Variants in VAMP7 observed in about 807,000 individuals in gnomAD.
VAMP7 encodes vesicle associated membrane protein 7.
Under a neutral mutation model 29.6 loss-of-function variants are expected in VAMP7, and 14 were observed. The observed-to-expected ratio is 0.47, with a 90% CI of 0.31 to 0.74. VAMP7 has a LOEUF of 0.74. Ranked by LOEUF, VAMP7 falls within the 30% of genes least tolerant of loss-of-function variation. The pLI, the probability that VAMP7 is intolerant of heterozygous loss-of-function variation, is 0.05. For synonymous variants in VAMP7, 95 were observed against 88.1 expected (o/e 1.08, Z -0.44); for missense variants, 223 against 262.4 (o/e 0.85, Z 1.04).
At chrX:155,884,346 C>A (rs1007982314) in intron 1 of VAMP7, among the ~76,000 whole-genome samples, 2 of 151,952 alleles carry the variant, frequency 1.3e-5, no homozygotes, top group Admixed American at 1.3e-4. Flanking sequence ...AGGCTGGTCT[C>A]GAACTCCTGA....
chrX:155,896,573 A>T (rs1374922248), intron 3 of VAMP7, among the ~76,000 whole-genome samples: 8 of 152,138 alleles, frequency 5.3e-5, no homozygotes, highest in Non-Finnish European at 8.8e-5. Context: ...CTTCCCAGAC[A>T]GGTTGCCATT....
Position 155,918,073 on chromosome X carries a change from C to T in VAMP7, c.434-1740C>T, listed in dbSNP as rs531227018. 8.5e-5 allele frequency among the ~76,000 whole-genome samples: 13 copies of T among 152,180 alleles called. No homozygotes were observed. In the East Asian group the frequency reaches 1.2e-3, roughly 14 times the overall value. ...TTGCGGAGCTGCGGTGGGCTCTCCC[C>T]GGTTCAAACTTCCTGGCCACTCTGT... On this transcript the variant is annotated intron_variant, in intron 5 of 7. Coordinates refer to ENST00000286448, the MANE Select transcript of VAMP7 (RefSeq NM_005638.6).
chrX:155,886,408 A>G (rs539288755), intron 1 of VAMP7, among the ~76,000 whole-genome samples: 101 of 152,276 alleles, frequency 6.6e-4, no homozygotes, highest in Middle Eastern at 3.4e-3. Flanking sequence ...GTTGCTATGT[A>G]CCCACTGTTT....
chrX:155,893,570 A>T (rs2065950322), intron 2 of VAMP7, among the ~76,000 whole-genome samples: 1 of 152,162 alleles, frequency 6.6e-6, no homozygotes, highest in Admixed American at 6.5e-5. Flanking sequence ...AGTTCTGGAG[A>T]CTGCGTGAGG....
intron 1 of VAMP7, among the ~76,000 whole-genome samples, chrX:155,885,934 TA>T (rs2065860000): frequency 6.6e-6 from 1 of 152,186 alleles, no homozygotes; most frequent in Non-Finnish European, 1.5e-5. Flanking sequence ...TTTGGTACTT[TA>T]TTACTGCAGC....
intron 6 of VAMP7, among the ~76,000 whole-genome samples, chrX:155,936,797 G>A (rs933520878): frequency 6.6e-6 from 1 of 152,170 alleles, no homozygotes; most frequent in African/African-American, 2.4e-5. Context: ...GCTGTAGACT[G>A]GAGCTGTTCC....
chrX:155,908,243 C>T (rs1300166796), intron 5 of VAMP7, among the ~76,000 whole-genome samples: 18 of 152,182 alleles, frequency 1.2e-4, no homozygotes, highest in Admixed American at 6.5e-4. Context: ...GCCGAGATCG[C>T]GCCACTGCAC....
At chrX:155,936,884 A>G (rs774546709) in intron 6 of VAMP7, among the ~76,000 whole-genome samples, 2 of 152,338 alleles carry the variant, frequency 1.3e-5, no homozygotes, top group African/African-American at 4.8e-5. Context: ...AAAGAGTACA[A>G]TAGTTAGGAA....
chrX:155,916,183 C>CT (rs983903049), intron 5 of VAMP7, among the ~76,000 whole-genome samples: 6 of 151,948 alleles, frequency 3.9e-5, no homozygotes, highest in Middle Eastern at 3.4e-3. Context: ...GCAGCCACTG[C>CT]TTTTTTTTGC....
Position 155,941,947 on chromosome X carries a change from A to C in VAMP7, c.659A>C (p.Lys220Thr), listed in dbSNP as rs1235381216. The C allele has an allele frequency of 6.2e-7, 1 of 1,613,848 alleles. No individual in the cohort carries two copies. Among genetic ancestry groups the C allele is most frequent in the East Asian group, 2.2e-5 (1 of 44,872 alleles). The change falls in exon 8 of 8, where the codon AAA becomes ACA. Residue 220 changes from lysine to threonine, a missense_variant. Transcript: ENST00000286448. ...GGFTWPSCVK[K>T] Reference sequence around the variant, plus strand: ...TTTACATGGCCAAGCTGTGTGAAGAAATAGGAAAGAAGAAGTTACCATTAA... The same window carrying C: ...TTTACATGGCCAAGCTGTGTGAAGACATAGGAAAGAAGAAGTTACCATTAA...
At position 155,943,672 on chromosome X, in the gene VAMP7, G is replaced by A. The variant is rs896293496; in HGVS notation, c.*1721G>A. On this transcript the variant is annotated 3_prime_UTR_variant, in exon 8 of 8. Transcript: ENST00000286448. ...GGGATCAATTACCTAACTGTTCCTT[G>A]GTCTATTTATGTATAAGAATGCTTT... The A allele has an allele frequency of 1.3e-5, 2 of 151,898 alleles. No homozygotes were observed. The highest frequency in any genetic ancestry group is 4.8e-5 in the African/African-American group (2 of 41,346). The allele number at this position is 151,898 out of a possible 1,614,324, so 9.4% of individuals were successfully genotyped here. A position where few individuals can be genotyped will look rare whatever the true frequency, so the allele number is the denominator to read the frequency against.
chrX:155,936,801 C>T lies in VAMP7; in HGVS notation c.502-2900C>T, dbSNP rs773510793. Among the ~76,000 whole-genome samples, 3 of 152,254 alleles carry T rather than the reference C, an allele frequency of 2.0e-5. No individual in the cohort carries two copies. The South Asian group carries it at 6.2e-4, about 32-fold the overall frequency. ...TCACGCTGGGGGCTGTAGACTGGAG[C>T]TGTTCCTATTTGGCCATCTTGGAAC... On this transcript the variant is annotated intron_variant, in intron 6 of 7. Transcript: ENST00000286448.
intron 6 of VAMP7, 133 bp from the exon 7 acceptor site, chrX:155,939,568 G>A: frequency 1.4e-6 from 1 of 725,982 alleles, no homozygotes; most frequent in Non-Finnish European, 2.5e-6. Flanking sequence ...AGTATGAATG[G>A]CCAGTCTCTA....
intron 6 of VAMP7, among the ~76,000 whole-genome samples, chrX:155,932,237 C>A (rs2066570420): frequency 6.6e-6 from 1 of 152,104 alleles, no homozygotes; most frequent in Non-Finnish European, 1.5e-5. Context: ...TTTTCCAATT[C>A]AGTGAAGAAA....
rs147669006 is a variant in VAMP7 at position 155,931,183 on chromosome X, G to A, written c.502-8518G>A. ...CCACGATAAACATACGTGTGCATGT[G>A]TCTTGATAGCAGCATGATTTATAAT... On this transcript the variant is annotated intron_variant, in intron 6 of 7. Transcript: ENST00000286448. 3.7e-3 allele frequency among the ~76,000 whole-genome samples: 568 copies of A among 152,268 alleles called. 6 individuals carry two copies. The highest frequency in any genetic ancestry group is 0.013 in the African/African-American group (540 of 41,546).
At chrX:155,913,268 A>G (rs1042005555) in intron 5 of VAMP7, among the ~76,000 whole-genome samples, 8 of 152,060 alleles carry the variant, frequency 5.3e-5, no homozygotes, top group Admixed American at 1.3e-4. Context: ...GATTCCGGAT[A>G]TTAGCCCTTT....
Position 155,927,481 on chromosome X carries a change from C to CA in VAMP7, c.501+7628dup, listed in dbSNP as rs531998416. 7.2e-3 allele frequency among the ~76,000 whole-genome samples: 800 copies of CA among 111,426 alleles called. 21 individuals carry two copies. The highest frequency in any genetic ancestry group is 0.03 in the South Asian group (101 of 3,334). The allele number at this position is 111,426 out of a possible 152,430, so 73.1% of individuals were successfully genotyped here. ...GGGTTTCCACAGACCTTCGATTTGC[C>CA]AAAAAAAAAAAAAAAAAAAAAAAAA... On this transcript the variant is annotated intron_variant, in intron 6 of 7. Coordinates refer to ENST00000286448, the MANE Select transcript of VAMP7 (RefSeq NM_005638.6).
intron 5 of VAMP7, among the ~76,000 whole-genome samples, chrX:155,908,887 A>T (rs2066192227): frequency 6.6e-6 from 1 of 151,820 alleles, no homozygotes; most frequent in Non-Finnish European, 1.5e-5. Context: ...CCTTGGTGGG[A>T]GGGTTACCTG....
At chrX:155,907,046 C>T (rs2066156811) in intron 5 of VAMP7, among the ~76,000 whole-genome samples, 1 of 151,854 alleles carries the variant, frequency 6.6e-6, no homozygotes, top group African/African-American at 2.4e-5. Context: ...ATTTTTTTTA[C>T]ATCTATTGAA....
Sources: gnomAD v4.1 joint callset for allele counts (sites outside exome capture counted in the v4.1 genomes callset) on GRCh38, gnomAD v4.1.1 for gene constraint, MANE v1.5 for transcripts, NCBI Gene and HGNC (gene_info 2026-07-23, HGNC 2026-07-21) for gene names.